FBXL20: variants seen among roughly 807,000 people sequenced by gnomAD.
FBXL20 encodes F-box and leucine rich repeat protein 20, also known as F-box/LRR-repeat protein 20.
In FBXL20, 11 loss-of-function variants were observed where a neutral mutation model predicts 64.0. The observed-to-expected ratio is 0.17, with a 90% CI of 0.11 to 0.28. FBXL20 has a LOEUF of 0.28. Ranked by LOEUF, FBXL20 falls within the 10% of genes least tolerant of loss-of-function variation. The pLI is 1.00. For synonymous variants in FBXL20, 184 were observed against 189.0 expected, an observed-to-expected ratio of 0.97 and a Z score of 0.22; for missense variants, 303 against 526.2, an observed-to-expected ratio of 0.58 and a Z score of 4.15.
chr17:39,333,741 G>T (rs2047489038), intron 2 of FBXL20, among the ~76,000 whole-genome samples: 1 of 151,072 alleles, frequency 6.6e-6, no homozygotes. Flanking sequence ...GATGTGGGGA[G>T]CGCCTCTGCC....
intron 2 of FBXL20, among the ~76,000 whole-genome samples, chr17:39,338,404 G>A (rs943732887): frequency 3.9e-5 from 6 of 152,174 alleles, no homozygotes; most frequent in African/African-American, 1.4e-4. Context: ...CACTGCGGAA[G>A]GCCGCAGGGT....
intron 1 of FBXL20, among the ~76,000 whole-genome samples, chr17:39,376,607 G>A (rs140704376): frequency 1.3e-5 from 2 of 152,320 alleles, no homozygotes; most frequent in African/African-American, 2.4e-5. Context: ...CTGACTGGCC[G>A]TGTGTTCAAA....
At chr17:39,296,288 C>T (rs558110604) in intron 6 of FBXL20, among the ~76,000 whole-genome samples, 12 of 152,126 alleles carry the variant, frequency 7.9e-5, no homozygotes, top group African/African-American at 2.6e-4. Flanking sequence ...AGGCCAGGCG[C>T]GGTGGCTCAT....
intron 1 of FBXL20, among the ~76,000 whole-genome samples, chr17:39,363,812 A>AAAAAAAAAAAAC (rs1567896933): frequency 0.022 from 2,769 of 127,440 alleles, 92 homozygotes; most frequent in Non-Finnish European, 0.031. Flanking sequence ...CTTTATCTCA[A>AAAAAAAAAAAAC]AAAAAAAAAA....
chr17:39,374,140 G>A (rs771455312), intron 1 of FBXL20, among the ~76,000 whole-genome samples: 4 of 151,896 alleles, frequency 2.6e-5, no homozygotes, highest in Non-Finnish European at 5.9e-5. Context: ...CAGGAGAATC[G>A]CTTGAACCTG....
intron 1 of FBXL20, among the ~76,000 whole-genome samples, chr17:39,396,146 T>C (rs1243948483): frequency 2.0e-5 from 3 of 151,370 alleles, no homozygotes. Flanking sequence ...TTAAATATTA[T>C]AGTGGCTGTT....
At chr17:39,339,889 G>A (rs1283464734) in intron 2 of FBXL20, among the ~76,000 whole-genome samples, 7 of 151,468 alleles carry the variant, frequency 4.6e-5, no homozygotes, top group South Asian at 2.1e-4. Flanking sequence ...CTCGTGATCC[G>A]CCCGTCTCAG....
intron 2 of FBXL20, among the ~76,000 whole-genome samples, chr17:39,330,354 C>T (rs1226766115): frequency 6.6e-6 from 1 of 151,862 alleles, no homozygotes; most frequent in East Asian, 1.9e-4. Context: ...TGGCTCATGC[C>T]TGTAATCCCA....
At position 39,382,442 on chromosome 17, in the gene FBXL20, C is replaced by CA. The variant is rs543348192; in HGVS notation, c.42+18918dup. Among the ~76,000 whole-genome samples the CA allele has an allele frequency of 8.7e-3, 765 of 87,908 alleles. 8 individuals are homozygous for CA. The highest frequency in any genetic ancestry group is 0.014 in the East Asian group (37 of 2,720). 57.7% of individuals were successfully genotyped at this position (87,908 alleles called of 152,430 possible). A position where few individuals can be genotyped will look rare whatever the true frequency, so the allele number is the denominator to read the frequency against. ...ACAGCAACAGAGAGAGACTCCATCT[C>CA]AAAAAAAAAAAAAAAAAAAATAGAT... On this transcript the variant is annotated intron_variant, in intron 1 of 14. Transcript: ENST00000264658.
chr17:39,297,801 T>C (rs2047099878), intron 5 of FBXL20, among the ~76,000 whole-genome samples: 1 of 152,188 alleles, frequency 6.6e-6, no homozygotes, highest in Non-Finnish European at 1.5e-5. Context: ...AGTGGTGTGA[T>C]CTCAGCTCAC....
chr17:39,274,606 T>C (rs1037228054), intron 10 of FBXL20, among the ~76,000 whole-genome samples: 9 of 152,216 alleles, frequency 5.9e-5, no homozygotes, highest in Admixed American at 5.9e-4. Context: ...ATGTACCTGG[T>C]ATCATTACTA....
chr17:39,269,883 T>C (rs552388586), intron 11 of FBXL20, among the ~76,000 whole-genome samples: 5 of 152,330 alleles, frequency 3.3e-5, no homozygotes, highest in African/African-American at 1.2e-4. Flanking sequence ...TCCAAAATGC[T>C]GGGATTACAG....
intron 6 of FBXL20, among the ~76,000 whole-genome samples, chr17:39,290,731 CCTTTT>C (rs2047030269): frequency 1.3e-5 from 2 of 151,844 alleles, no homozygotes; most frequent in South Asian, 4.2e-4. Context: ...GCCCAACTAA[CCTTTT>C]ATTTTTTGTA....
At chr17:39,353,598 C>CTTTA (rs2047708578) in intron 1 of FBXL20, among the ~76,000 whole-genome samples, 3 of 115,810 alleles carry the variant, frequency 2.6e-5, no homozygotes, top group African/African-American at 6.2e-5. Flanking sequence ...GACCACTACA[C>CTTTA]CTTATTTATT....
chr17:39,367,494 T>C, intron 1 of FBXL20, among the ~76,000 whole-genome samples: 1 of 150,696 alleles, frequency 6.6e-6, no homozygotes, highest in Non-Finnish European at 1.5e-5. Context: ...TTTTTATATT[T>C]TTGGTAGAGA....
chr17:39,294,008 G>A (rs1369815876), intron 6 of FBXL20, among the ~76,000 whole-genome samples: 2 of 151,788 alleles, frequency 1.3e-5, no homozygotes, highest in Non-Finnish European at 2.9e-5. Context: ...ATAATCACAT[G>A]GCTCATTCAT....
chr17:39,268,669 G>A (rs185124908), intron 12 of FBXL20, among the ~76,000 whole-genome samples, 158 bp downstream of exon 12: 1 of 152,270 alleles, frequency 6.6e-6, no homozygotes, highest in Admixed American at 6.5e-5. Context: ...CATACCATGA[G>A]CACCTCTGCC....
At chr17:39,368,522 C>T (rs534179550) in intron 1 of FBXL20, among the ~76,000 whole-genome samples, 33 of 152,288 alleles carry the variant, frequency 2.2e-4, no homozygotes, top group African/African-American at 6.3e-4. Flanking sequence ...CCTACCAAGT[C>T]CTGAGTTTTG....
chr17:39,332,461 C>A (rs2047470516), intron 2 of FBXL20, among the ~76,000 whole-genome samples: 1 of 152,002 alleles, frequency 6.6e-6, no homozygotes, highest in Non-Finnish European at 1.5e-5. Context: ...TGGGAAAGGA[C>A]CCTCGGAAGC....
Sources: gnomAD v4.1 joint callset for allele counts (sites outside exome capture counted in the v4.1 genomes callset) on GRCh38, gnomAD v4.1.1 for gene constraint, MANE v1.5 for transcripts, NCBI Gene and HGNC (gene_info 2026-07-23, HGNC 2026-07-21) for gene names.